Variants in SEMA5B observed in about 807,000 individuals in gnomAD.
SEMA5B encodes semaphorin 5B.
A neutral mutation model predicts 135.0 loss-of-function variants in SEMA5B; 66 were observed. That is an observed-to-expected ratio of 0.49 (90% CI 0.40 to 0.60). SEMA5B has a LOEUF of 0.60. Among genes scored for constraint, SEMA5B ranks in the 20% least tolerant of loss-of-function variants. The pLI, the probability that SEMA5B is intolerant of heterozygous loss-of-function variation, is 0.00. For synonymous variants in SEMA5B, 690 were observed against 639.5 expected, an observed-to-expected ratio of 1.08 and a Z score of -1.19; for missense variants, 1,501 against 1,566.3, an observed-to-expected ratio of 0.96 and a Z score of 0.70.
chr3:122,941,217 G>A (rs891210514), intron 4 of SEMA5B, among the ~76,000 whole-genome samples: 2 of 152,160 alleles, frequency 1.3e-5, no homozygotes, highest in Non-Finnish European at 1.5e-5. Flanking sequence ...AAAGAAAGTG[G>A]CCAAAGACCC....
rs766662545 is a variant in SEMA5B, at chr3:122,928,568, C to T, written c.585G>A (p.Lys195=). The T allele has an allele frequency of 1.9e-6, 3 of 1,565,282 alleles. No homozygotes were observed. The highest frequency in any genetic ancestry group is 3.7e-5 in the Admixed American group (2 of 53,462). Residue 195 remains lysine (K), a synonymous_variant, in exon 7 of 23, where the codon AAG becomes AAA. Transcript: ENST00000357599. Reference sequence around the variant, plus strand: ...AGGCATTGGTTCCACACATGAACACCTTCCGGCCGGCGACGATCAGGACTC... The same window carrying T: ...AGGCATTGGTTCCACACATGAACACTTTCCGGCCGGCGACGATCAGGACTC... ...YVRVLIVAGR[K]VFMCGTNAFS...
At chr3:122,976,052 T>G in intron 1 of SEMA5B, 1 of 1,535,184 alleles carries the variant, frequency 6.5e-7, no homozygotes, top group Non-Finnish European at 8.7e-7. Flanking sequence ...CTCTCCCAAA[T>G]GCCAGCTCAT....
intron 1 of SEMA5B, among the ~76,000 whole-genome samples, chr3:122,989,580 T>G (rs1352356965): frequency 1.3e-5 from 2 of 152,198 alleles, no homozygotes; most frequent in African/African-American, 4.8e-5. Flanking sequence ...GTAATCCTCA[T>G]GTCACTTCTG....
intron 1 of SEMA5B, among the ~76,000 whole-genome samples, chr3:122,993,808 T>C (rs1009778517): frequency 6.7e-6 from 1 of 149,750 alleles, no homozygotes; most frequent in African/African-American, 2.5e-5. Flanking sequence ...CAGCTGCTGC[T>C]GTCAGCAGTC....
chr3:122,963,889 T>C (rs1940701243), intron 1 of SEMA5B, among the ~76,000 whole-genome samples: 1 of 152,134 alleles, frequency 6.6e-6, no homozygotes, highest in Admixed American at 6.6e-5. Context: ...AATGTGTGGT[T>C]CTCAAAGTTT....
At position 123,021,559 on chromosome 3, in the gene SEMA5B, C is replaced by T. The variant is rs190018384; in HGVS notation, c.-39+5905G>A. 1.7e-4 allele frequency among the ~76,000 whole-genome samples: 26 copies of T among 152,290 alleles called. No homozygotes were observed. The East Asian group carries it at 3.9e-3, about 23-fold the overall frequency. ...CTCTTTTGTATTCCTAACAGGGGGGCTCTTGGGAGGCCTTCCGGACAATGG... is the reference window on the plus strand; with the variant it reads ...CTCTTTTGTATTCCTAACAGGGGGGTTCTTGGGAGGCCTTCCGGACAATGG... On this transcript the variant is annotated intron_variant, in intron 1 of 22. Coordinates refer to ENST00000357599, the MANE Select transcript of SEMA5B (RefSeq NM_001031702.4).
chr3:122,993,168 G>T (rs1161301414), intron 1 of SEMA5B: 1 of 152,274 alleles, frequency 6.6e-6, no homozygotes, highest in African/African-American at 2.4e-5. Context: ...CAGACGGCTT[G>T]GTCTGGCCGC....
intron 12 of SEMA5B, among the ~76,000 whole-genome samples, chr3:122,921,445 C>T (rs1218724821): frequency 6.6e-6 from 1 of 152,204 alleles, no homozygotes; most frequent in Admixed American, 6.5e-5. Flanking sequence ...GCAGCCCTCT[C>T]TACCTCTTCT....
chr3:123,012,040 T>C (rs1254800335), intron 1 of SEMA5B, among the ~76,000 whole-genome samples: 1 of 152,180 alleles, frequency 6.6e-6, no homozygotes, highest in Non-Finnish European at 1.5e-5. Flanking sequence ...CCCAGTCACG[T>C]GGAAAGAGCA....
chr3:123,003,386 G>A (rs1942229341), intron 1 of SEMA5B, among the ~76,000 whole-genome samples: 2 of 152,030 alleles, frequency 1.3e-5, no homozygotes, highest in Non-Finnish European at 2.9e-5. Context: ...TCAATTCAAA[G>A]AGGCTTAAAC....
At chr3:122,922,903 C>A (rs1938439458) in intron 10 of SEMA5B, among the ~76,000 whole-genome samples, 1 of 150,712 alleles carries the variant, frequency 6.6e-6, no homozygotes, top group Non-Finnish European at 1.5e-5. Flanking sequence ...ACATTCCAGG[C>A]ATATGAACCT....
intron 9 of SEMA5B, among the ~76,000 whole-genome samples, chr3:122,923,986 C>T (rs1037508617): frequency 6.6e-6 from 1 of 152,170 alleles, no homozygotes; most frequent in Admixed American, 6.5e-5. Flanking sequence ...TACTGCCTCC[C>T]TCCCTCCCTC....
chr3:122,922,340 G>A lies in SEMA5B; in HGVS notation c.1380C>T (p.Pro460=), dbSNP rs770995799. The change falls in exon 11 of 23, where the codon CCC becomes CCT. Residue 460 remains proline, a synonymous_variant. Transcript: ENST00000357599. ...LMSEAVQPVT[P]EPCVTQDSVR... is the part of the protein sequence containing the mutation. ...CGCTGTCCTGGGTGACACAGGGCTC[G>A]GGTGTCACCGGCTGCACGGCCTCGC... 2.5e-6 allele frequency: 4 copies of A among 1,613,688 alleles called. No homozygotes were observed. Among genetic ancestry groups the A allele is most frequent in the East Asian group, 2.2e-5 (1 of 44,874 alleles).
chr3:123,004,494 C>T (rs939241912), intron 1 of SEMA5B, among the ~76,000 whole-genome samples: 17 of 152,166 alleles, frequency 1.1e-4, no homozygotes, highest in South Asian at 4.1e-4. Context: ...TGCATTACTC[C>T]GTGTAAGAAG....
intron 1 of SEMA5B, among the ~76,000 whole-genome samples, chr3:122,984,645 G>C (rs1028890432): frequency 6.6e-6 from 1 of 152,082 alleles, no homozygotes; most frequent in East Asian, 1.9e-4. Flanking sequence ...TTTGGGTAAT[G>C]GGTACGCTAG....
At chr3:123,008,470 T>A (rs1942361013) in intron 1 of SEMA5B, among the ~76,000 whole-genome samples, 1 of 152,106 alleles carries the variant, frequency 6.6e-6, no homozygotes, top group South Asian at 2.1e-4. Flanking sequence ...AGAAGGGGCC[T>A]CGTGCATCAG....
chr3:122,983,674 C>T (rs1358169988), intron 1 of SEMA5B, among the ~76,000 whole-genome samples: 1 of 124,460 alleles, frequency 8.0e-6, no homozygotes, highest in Admixed American at 1.1e-4. Flanking sequence ...ACCAAGATCA[C>T]GCCACTGCAC....
At chr3:123,008,129 T>C (rs1280090357) in intron 1 of SEMA5B, among the ~76,000 whole-genome samples, 1 of 152,226 alleles carries the variant, frequency 6.6e-6, no homozygotes, top group Non-Finnish European at 1.5e-5. Context: ...GACAGAACTG[T>C]CCTACAGGAC....
chr3:123,021,487 T>C (rs1387553224), intron 1 of SEMA5B, among the ~76,000 whole-genome samples: 1 of 152,128 alleles, frequency 6.6e-6, no homozygotes, highest in African/African-American at 2.4e-5. Flanking sequence ...AGGCCTGAGT[T>C]GGGTGCTTCA....
Sources: gnomAD v4.1 joint callset for allele counts (sites outside exome capture counted in the v4.1 genomes callset) on GRCh38, gnomAD v4.1.1 for gene constraint, MANE v1.5 for transcripts, NCBI Gene and HGNC (gene_info 2026-07-23, HGNC 2026-07-21) for gene names.